The following RP1 variants were observed in gnomAD, a reference collection of about 807,000 sequenced individuals.
RP1 encodes the protein oxygen-regulated protein 1.
In RP1, 16 loss-of-function variants were observed where a neutral mutation model predicts 14.8. The ratio of observed to expected loss-of-function variants is 1.08; its 90% confidence interval spans 0.73 to 1.65. RP1 has a LOEUF of 1.65. RP1 is among the 40% of genes most tolerant of loss of function. RP1 has a pLI of 0.00. For missense variants in RP1, 2,631 were observed against 2,535.0 expected (o/e 1.04, Z -0.81); for synonymous variants, 876 against 883.6 (o/e 0.99, Z 0.15).
intron 24 of RP1, among the ~76,000 whole-genome samples, chr8:54,796,874 G>C (rs894333017): frequency 2.0e-5 from 3 of 152,168 alleles, no homozygotes; most frequent in Non-Finnish European, 4.4e-5. Flanking sequence ...AAAATGGAAA[G>C]AAAATGGTTA....
At chr8:54,778,046 C>T in intron 23 of RP1, among the ~76,000 whole-genome samples, 1 of 152,166 alleles carries the variant, frequency 6.6e-6, no homozygotes, top group East Asian at 1.9e-4. Flanking sequence ...TTTCAAAATA[C>T]ATTTTAACGG....
At position 54,839,216 on chromosome 8, in the gene RP1, C is replaced by A. The variant is rs568780953; in HGVS notation, c.3835+1547C>A. 2.6e-5 allele frequency among the ~76,000 whole-genome samples: 4 copies of A among 152,204 alleles called. No homozygotes were observed. The East Asian group carries it at 7.7e-4, about 29-fold the overall frequency. On this transcript the variant is annotated intron_variant, in intron 25 of 28. Transcript: ENST00000637698. ...TCTTTACTCCCCTTTGAGCCTCTCT[C>A]TAACTTCTATTGTTAATTCTACACA...
chr8:54,664,730 G>T (rs1806978191), intron 7 of RP1, among the ~76,000 whole-genome samples: 1 of 152,104 alleles, frequency 6.6e-6, no homozygotes, highest in Non-Finnish European at 1.5e-5. Flanking sequence ...TTAGGGTTGG[G>T]TTATTTGTAG....
At chr8:54,819,493 A>T (rs1356126362) in intron 24 of RP1, among the ~76,000 whole-genome samples, 16 of 152,074 alleles carry the variant, frequency 1.1e-4, no homozygotes, top group Admixed American at 1.0e-3. Context: ...TGGTGAGGTC[A>T]CATTCTCCTG....
At chr8:54,772,208 C>T (rs1298797277), downstream of RP1, among the ~76,000 whole-genome samples, 1 of 152,046 alleles carries the variant, frequency 6.6e-6, no homozygotes, top group Non-Finnish European at 1.5e-5. Flanking sequence ...CTACATTACT[C>T]AGTTAGACTG....
intron 15 of RP1, among the ~76,000 whole-genome samples, chr8:54,719,928 T>G (rs551717602): frequency 6.6e-6 from 1 of 152,346 alleles, no homozygotes; most frequent in Admixed American, 6.5e-5. Context: ...CATGTGTCCT[T>G]GCCTCAACCC....
intron 24 of RP1, among the ~76,000 whole-genome samples, chr8:54,814,152 C>T (rs775988940): frequency 2.6e-5 from 4 of 152,144 alleles, no homozygotes; most frequent in Non-Finnish European, 5.9e-5. Flanking sequence ...AATTTTGACT[C>T]TTAACTTTTG....
intron 14 of RP1, among the ~76,000 whole-genome samples, chr8:54,703,899 T>C (rs1808088888): frequency 6.6e-6 from 1 of 152,200 alleles, no homozygotes; most frequent in South Asian, 2.1e-4. Context: ...CAACCTTTTC[T>C]CCTGAAGCTT....
At chr8:54,773,746 C>G (rs1809966885), downstream of RP1, among the ~76,000 whole-genome samples, 1 of 152,158 alleles carries the variant, frequency 6.6e-6, no homozygotes, top group South Asian at 2.1e-4. Context: ...GATATTGGAA[C>G]TTAGCTCTTA....
intron 25 of RP1, among the ~76,000 whole-genome samples, chr8:54,844,330 TG>T (rs1811862796): frequency 6.6e-6 from 1 of 152,230 alleles, no homozygotes; most frequent in Admixed American, 6.5e-5. Context: ...TTACTTTTAA[TG>T]GCAAAAACGC....
At position 54,706,631 on chromosome 8, in the gene RP1, C is replaced by T. The variant is rs956471596; in HGVS notation, c.2187C>T (p.Ile729=). 1.4e-4 allele frequency: 209 copies of T among 1,535,920 alleles called. 1 individual carries two copies. The highest frequency in any genetic ancestry group is 1.7e-4 in the Non-Finnish European group (197 of 1,146,866). Residue 729 remains isoleucine, a synonymous_variant, in exon 15 of 23, where the codon ATC becomes ATT. Coordinates refer to the RP1 transcript ENST00000636932. ...AAAATGCACAAATGTATCTAAGAAT[C>T]AAGGATGGCCGATGCGATGGAACAG...
At chr8:54,816,386 T>G (rs1381700578) in intron 24 of RP1, among the ~76,000 whole-genome samples, 1 of 152,200 alleles carries the variant, frequency 6.6e-6, no homozygotes, top group African/African-American at 2.4e-5. Flanking sequence ...AGGAGTCCCC[T>G]GCTTTGATCA....
chr8:54,566,851 C>CA (rs1399359862), intron 1 of RP1, among the ~76,000 whole-genome samples: 7 of 152,180 alleles, frequency 4.6e-5, no homozygotes, highest in Non-Finnish European at 1.0e-4. Flanking sequence ...AACCCAGAGA[C>CA]AAAACTACTT....
At chr8:54,851,865 G>T (rs1585747111) in intron 25 of RP1, among the ~76,000 whole-genome samples, 1 of 152,270 alleles carries the variant, frequency 6.6e-6, no homozygotes, top group East Asian at 1.9e-4. Context: ...AAATGTAACT[G>T]CTCAATTGCA....
intron 6 of RP1, among the ~76,000 whole-genome samples, chr8:54,660,128 C>T (rs780639804): frequency 9.2e-5 from 14 of 151,904 alleles, no homozygotes; most frequent in Non-Finnish European, 1.6e-4. Context: ...CTGCAAACAG[C>T]GATAATCTTG....
At chr8:54,775,978 A>C (rs1272052346) in intron 23 of RP1, among the ~76,000 whole-genome samples, 1 of 152,222 alleles carries the variant, frequency 6.6e-6, no homozygotes, top group Non-Finnish European at 1.5e-5. Flanking sequence ...TGCAGGTCCT[A>C]CATCCCCAGA....
chr8:54,734,852 C>G, intron 18 of RP1: 1 of 906,740 alleles, frequency 1.1e-6, no homozygotes, highest in Non-Finnish European at 1.5e-6. Flanking sequence ...AAATGAACCT[C>G]TGGTCTTTTA....
intron 22 of RP1, among the ~76,000 whole-genome samples, chr8:54,765,874 G>A (rs16920698): frequency 0.3 from 45,062 of 151,978 alleles, 7,101 homozygotes; most frequent in East Asian, 0.49. Context: ...GTTTGTGAAC[G>A]TATTTGTCTC....
intron 15 of RP1, among the ~76,000 whole-genome samples, chr8:54,714,930 G>A (rs1808366542): frequency 6.6e-6 from 1 of 152,208 alleles, no homozygotes; most frequent in Non-Finnish European, 1.5e-5. Context: ...TTTAAGAAAG[G>A]AATAAATTGC....
Sources: allele counts gnomAD v4.1 joint callset (sites outside exome capture counted in the v4.1 genomes callset), GRCh38; gene constraint gnomAD v4.1.1; transcripts MANE v1.5; gene names NCBI Gene and HGNC (gene_info 2026-07-23, HGNC 2026-07-21).